GRM7: variants seen among roughly 807,000 people sequenced by gnomAD.
The protein encoded by GRM7 is metabotropic glutamate receptor 7.
A neutral mutation model predicts 84.5 loss-of-function variants in GRM7; 35 were observed. That is an observed-to-expected ratio of 0.41 (90% CI 0.32 to 0.55). GRM7 has a LOEUF of 0.55. Ranked by LOEUF, GRM7 falls within the 20% of genes least tolerant of loss-of-function variation. GRM7 has a pLI of 0.19. For synonymous variants in GRM7, 487 were observed against 455.1 expected, an observed-to-expected ratio of 1.07 and a Z score of -0.89; for missense variants, 1,003 against 1,194.6, an observed-to-expected ratio of 0.84 and a Z score of 2.36.
intron 1 of GRM7, among the ~76,000 whole-genome samples, chr3:7,016,072 T>C (rs999476142): frequency 2.0e-5 from 3 of 151,910 alleles, no homozygotes; most frequent in Admixed American, 1.3e-4. Context: ...CATTTAGCTG[T>C]AAATGGAATG....
At chr3:7,708,375 T>C (rs1037159622) in intron 9 of GRM7, among the ~76,000 whole-genome samples, 4 of 150,776 alleles carry the variant, frequency 2.7e-5, no homozygotes, top group African/African-American at 9.7e-5. Flanking sequence ...ACAAATGTGG[T>C]AGACTGGCCG....
intron 8 of GRM7, among the ~76,000 whole-genome samples, chr3:7,629,205 A>G (rs576443634): frequency 3.8e-4 from 58 of 152,348 alleles, no homozygotes; most frequent in Middle Eastern, 3.4e-3. Flanking sequence ...GATCATATAC[A>G]TGAGATTTTA....
chr3:7,464,927 C>T (rs533966404), intron 7 of GRM7, among the ~76,000 whole-genome samples: 24 of 151,770 alleles, frequency 1.6e-4, no homozygotes, highest in South Asian at 8.4e-4. Context: ...ACCCAGGAGG[C>T]GGAGGTTGCA....
intron 4 of GRM7, among the ~76,000 whole-genome samples, chr3:7,339,356 C>T (rs1370223444): frequency 2.0e-5 from 3 of 152,108 alleles, no homozygotes; most frequent in Non-Finnish European, 4.4e-5. Context: ...CAGCCTAAGA[C>T]ATGGGAAATA....
At chr3:6,979,263 A>C (rs1694108953) in intron 1 of GRM7, among the ~76,000 whole-genome samples, 1 of 152,172 alleles carries the variant, frequency 6.6e-6, no homozygotes, top group South Asian at 2.1e-4. Context: ...AGCCATGATC[A>C]TCTCAAGCCA....
In GRM7 at chr3:7,660,130, G is replaced by C. The variant is rs150565648; in HGVS notation, c.2452-19919G>C. Among the ~76,000 whole-genome samples, 17 of 152,298 alleles carry C rather than the reference G, an allele frequency of 1.1e-4. No individual in the cohort carries two copies. The East Asian group carries it at 3.1e-3, about 28-fold the overall frequency. On this transcript the variant is annotated intron_variant, in intron 8 of 9. Coordinates refer to ENST00000357716, the MANE Select transcript of GRM7 (RefSeq NM_000844.4). Reference sequence around the variant, plus strand: ...TAACTTTTCAAAATATATTTTGTCTGAATGTATCAGCCCTAGATTATTTCC... The same window carrying C: ...TAACTTTTCAAAATATATTTTGTCTCAATGTATCAGCCCTAGATTATTTCC...
intron 7 of GRM7, among the ~76,000 whole-genome samples, chr3:7,521,876 C>G (rs992559937): frequency 2.6e-5 from 4 of 152,110 alleles, no homozygotes; most frequent in Non-Finnish European, 5.9e-5. Context: ...TTATGGCTCC[C>G]CAATTCTGAA....
At chr3:6,955,534 C>CAAA (rs574682751) in intron 1 of GRM7, among the ~76,000 whole-genome samples, 21 of 141,960 alleles carry the variant, frequency 1.5e-4, no homozygotes, top group African/African-American at 2.1e-4. Flanking sequence ...CAGGCTCCAT[C>CAAA]AAAAAAAAAA....
intron 1 of GRM7, among the ~76,000 whole-genome samples, chr3:7,062,533 T>A (rs1697465170): frequency 6.6e-6 from 1 of 151,820 alleles, no homozygotes; most frequent in Non-Finnish European, 1.5e-5. Context: ...TGCAATTTAA[T>A]ACATTTAATT....
At chr3:6,950,110 C>A (rs1394442106) in intron 1 of GRM7, among the ~76,000 whole-genome samples, 1 of 152,196 alleles carries the variant, frequency 6.6e-6, no homozygotes, top group East Asian at 1.9e-4. Context: ...AGCTGCATTC[C>A]TTTGGAGGAG....
chr3:6,986,811 C>T (rs186254580), intron 1 of GRM7, among the ~76,000 whole-genome samples: 338 of 152,292 alleles, frequency 2.2e-3, no homozygotes, highest in Non-Finnish European at 4.2e-3. Context: ...AGCACTCTGC[C>T]CCTCACTTTT....
chr3:7,587,176 G>C (rs112759218), intron 8 of GRM7, among the ~76,000 whole-genome samples: 1 of 152,230 alleles, frequency 6.6e-6, no homozygotes, highest in African/African-American at 2.4e-5. Flanking sequence ...GCTTTTTACA[G>C]AAACCCTTCT....
chr3:7,601,351 C>G (rs956420992), intron 8 of GRM7, among the ~76,000 whole-genome samples: 18 of 151,998 alleles, frequency 1.2e-4, no homozygotes, highest in African/African-American at 4.1e-4. Context: ...CACCACAAAC[C>G]TTAAGAACCT....
chr3:7,598,192 G>A (rs535311691), intron 8 of GRM7, among the ~76,000 whole-genome samples: 4 of 152,340 alleles, frequency 2.6e-5, no homozygotes, highest in African/African-American at 9.6e-5. Context: ...GGCAGTAAGA[G>A]ATAAATCCCC....
chr3:6,898,679 C>A (rs1696277095), intron 1 of GRM7, among the ~76,000 whole-genome samples: 1 of 151,990 alleles, frequency 6.6e-6, no homozygotes, highest in African/African-American at 2.4e-5. Flanking sequence ...CCTATTTTGG[C>A]TATTTTTTTT....
intron 2 of GRM7, among the ~76,000 whole-genome samples, chr3:7,291,955 G>T (rs1699645700): frequency 1.3e-5 from 2 of 152,146 alleles, no homozygotes; most frequent in Non-Finnish European, 2.9e-5. Flanking sequence ...AGATCTGATG[G>T]TTTTTAAAGG....
rs1037562862 is a variant in GRM7, at chr3:7,486,966, G to C, written c.1515+25244G>C. Among the ~76,000 whole-genome samples the C allele has an allele frequency of 6.6e-6, 1 of 152,178 alleles. No individual in the cohort carries two copies. The highest frequency in any genetic ancestry group is 1.5e-5 in the Non-Finnish European group (1 of 68,022). On this transcript the variant is annotated intron_variant, in intron 7 of 9. Transcript: ENST00000357716. The surrounding 1 kb of genome is among the most constrained non-coding windows in gnomAD (Gnocchi z 5.5). ...TTGGAACTTCTTAGAGATTAGTTAAGTTGTGGTGACTGAAATGTAGATAGG... is the reference window on the plus strand; with the variant it reads ...TTGGAACTTCTTAGAGATTAGTTAACTTGTGGTGACTGAAATGTAGATAGG...
chr3:7,614,264 CTAAATAAA>C (rs539993841), intron 8 of GRM7, among the ~76,000 whole-genome samples: 6 of 151,980 alleles, frequency 3.9e-5, no homozygotes, highest in South Asian at 4.1e-4. Context: ...GACTCTGTCT[CTAAATAAA>C]TAAATAAATA....
intron 1 of GRM7, among the ~76,000 whole-genome samples, chr3:7,098,525 A>C (rs1227272255): frequency 1.3e-5 from 2 of 152,028 alleles, no homozygotes; most frequent in African/African-American, 2.4e-5. Context: ...CTGTGGATTA[A>C]CTTCATATAT....
Sources: allele counts gnomAD v4.1 joint callset (sites outside exome capture counted in the v4.1 genomes callset), GRCh38; gene constraint gnomAD v4.1.1; non-coding constraint Gnocchi (gnomAD v3.1); transcripts MANE v1.5; gene names NCBI Gene and HGNC (gene_info 2026-07-23, HGNC 2026-07-21).